Variants in LRCH3 observed in about 807,000 individuals in gnomAD.
The protein encoded by LRCH3 is DISP complex protein LRCH3.
LRCH3 carries 68 observed loss-of-function variants against 104.5 expected under a neutral mutation model. The observed-to-expected ratio is 0.65, with a 90% CI of 0.54 to 0.80. LRCH3 has a LOEUF of 0.80. Ranked by LOEUF, LRCH3 falls within the 30% of genes least tolerant of loss-of-function variation. The pLI, the probability that LRCH3 is intolerant of heterozygous loss-of-function variation, is 0.00. For synonymous variants in LRCH3, 344 were observed against 361.3 expected, an observed-to-expected ratio of 0.95 and a Z score of 0.54; for missense variants, 951 against 953.9, an observed-to-expected ratio of 1.00 and a Z score of 0.04.
chr3:197,813,759 G>C (rs1560532597), intron 1 of LRCH3, among the ~76,000 whole-genome samples: 1 of 151,722 alleles, frequency 6.6e-6, no homozygotes, highest in Non-Finnish European at 1.5e-5. Context: ...TCAAACTCCT[G>C]ACCTCAAGTG....
At chr3:197,852,760 G>A (rs1739784320) in intron 13 of LRCH3, 140 bp downstream of exon 13, 1 of 841,304 alleles carries the variant, frequency 1.2e-6, no homozygotes, top group East Asian at 2.7e-5. Flanking sequence ...CTCCTTATGA[G>A]GGAGATGATA....
chr3:197,853,190 T>C (rs908627122), intron 13 of LRCH3, among the ~76,000 whole-genome samples: 2 of 152,100 alleles, frequency 1.3e-5, no homozygotes, highest in African/African-American at 4.8e-5. Context: ...TTTTTTCTTT[T>C]TCTTTTTCTT....
chr3:197,797,939 T>C (rs1731449278), intron 1 of LRCH3, among the ~76,000 whole-genome samples: 1 of 147,636 alleles, frequency 6.8e-6, no homozygotes. Flanking sequence ...ATAGTGACCT[T>C]CTAAGTTATT....
intron 9 of LRCH3, among the ~76,000 whole-genome samples, chr3:197,838,695 C>T (rs531905889): frequency 1.3e-5 from 2 of 152,242 alleles, no homozygotes; most frequent in South Asian, 2.1e-4. Flanking sequence ...CTCAGTAATA[C>T]TTTTTGAAAA....
intron 1 of LRCH3, among the ~76,000 whole-genome samples, chr3:197,812,588 T>C (rs1733303696): frequency 7.1e-6 from 1 of 140,174 alleles, no homozygotes; most frequent in Non-Finnish European, 1.5e-5. Context: ...CTCGGCTCAC[T>C]GCAACCAAGC....
At position 197,814,916 on chromosome 3, in the gene LRCH3, C is replaced by T; in HGVS notation, c.271C>T (p.Arg91Ter). 4.4e-6 allele frequency: 7 copies of T among 1,592,400 alleles called. No homozygotes were observed. Among genetic ancestry groups the T allele is most frequent in the Non-Finnish European group, 6.0e-6 (7 of 1,173,168 alleles). ...LTDTTRADLS[R>*]NRLSEIPIEA... ...TTTAATTTTTCTTTTAGACCTGTCG[C>T]GAAATCGCCTTTCAGAAATTCCTAT... The change falls in exon 2 of 21, where the codon CGA becomes TGA. Residue 91 changes from arginine (R) to a stop codon, truncating the protein, a stop_gained. Transcript: ENST00000425562. LOFTEE classifies it high-confidence loss of function.
chr3:197,847,924 G>A lies in LRCH3; in HGVS notation c.1433G>A (p.Arg478His), dbSNP rs200524267. 9.7e-5 allele frequency: 156 copies of A among 1,614,062 alleles called. No homozygotes were observed. In the East Asian group the frequency reaches 2.3e-3, roughly 24 times the overall value. ...CAGAGAAGGGAGCAGTTAGTAGAGC[G>A]CACTCGGAGAGAGGCTCAGCTTGCT... ...LHQRREQLVE[R>H]TRREAQLAAL... Residue 478 changes from arginine to histidine, a missense_variant, in exon 12 of 21, where the codon CGC becomes CAC. Physicochemically the swap from Arg to His is conservative, Grantham distance 29. Coordinates refer to ENST00000425562, the MANE Select transcript of LRCH3 (RefSeq NM_001365715.1).
intron 4 of LRCH3, among the ~76,000 whole-genome samples, chr3:197,820,643 T>C (rs1734384155): frequency 6.6e-6 from 1 of 152,156 alleles, no homozygotes. Context: ...AGTCTGTCTC[T>C]ACAGAAAATT....
chr3:197,852,337 G>A (rs888502370), intron 12 of LRCH3: 15 of 475,668 alleles, frequency 3.2e-5, no homozygotes, highest in South Asian at 1.2e-4. Context: ...TAAGTTCATC[G>A]AGTAAGAGGT....
intron 10 of LRCH3, among the ~76,000 whole-genome samples, chr3:197,839,977 A>G (rs2109339826): frequency 6.6e-6 from 1 of 152,112 alleles, no homozygotes; most frequent in East Asian, 1.9e-4. Context: ...GTCTCAAAAA[A>G]AAAAAAAAAT....
chr3:197,821,718 A>T (rs1734513245), intron 4 of LRCH3, among the ~76,000 whole-genome samples: 1 of 152,222 alleles, frequency 6.6e-6, no homozygotes, highest in Non-Finnish European at 1.5e-5. Context: ...CCCATTACTC[A>T]GGCTAGAGTG....
At chr3:197,869,841 G>C (rs113698078) in intron 17 of LRCH3, among the ~76,000 whole-genome samples, 1 of 108,804 alleles carries the variant, frequency 9.2e-6, no homozygotes, top group African/African-American at 4.5e-5. Context: ...ACCTGCAGGA[G>C]GTAGAAAGCG....
rs141025932 is a variant in LRCH3, at chr3:197,859,034, A to G, written c.1716+129A>G. 1,580 of 727,120 alleles carry G rather than the reference A, an allele frequency of 2.2e-3. 5 individuals are homozygous for G. Among genetic ancestry groups the G allele is most frequent in the African/African-American group, 4.9e-3 (279 of 57,314 alleles). The allele number at this position is 727,120 out of a possible 1,614,324, so 45.0% of individuals were successfully genotyped here. On this transcript the variant is annotated intron_variant, in intron 15 of 20. Transcript: ENST00000425562. ...CATAAATATACCTGTTTATGGAACT[A>G]TTTGTTTAACATTGATTTCCCTTGA...
chr3:197,794,470 A>G (rs896789888), intron 1 of LRCH3, among the ~76,000 whole-genome samples: 2 of 152,224 alleles, frequency 1.3e-5, no homozygotes, highest in Non-Finnish European at 1.5e-5. Flanking sequence ...AACTTATGGT[A>G]GTTATTAGGT....
chr3:197,857,974 C>T (rs1239631520), intron 14 of LRCH3, among the ~76,000 whole-genome samples: 1 of 152,178 alleles, frequency 6.6e-6, no homozygotes, highest in Admixed American at 6.5e-5. Context: ...TCATTTATCT[C>T]ATAGTTTAGA....
intron 4 of LRCH3, among the ~76,000 whole-genome samples, chr3:197,824,174 C>T (rs202172364): frequency 6.6e-6 from 1 of 151,766 alleles, no homozygotes; most frequent in African/African-American, 2.4e-5. Flanking sequence ...AAGCAATTCT[C>T]CTGCCTCAGC....
chr3:197,814,656 G>A (rs1299689449), intron 1 of LRCH3, among the ~76,000 whole-genome samples: 1 of 152,042 alleles, frequency 6.6e-6, no homozygotes, highest in Admixed American at 6.5e-5. Context: ...AGTGTTTTTT[G>A]TTTTGCTTTT....
At chr3:197,844,789 T>C (rs1738375009) in intron 10 of LRCH3, among the ~76,000 whole-genome samples, 3 of 151,916 alleles carry the variant, frequency 2.0e-5, no homozygotes, top group African/African-American at 7.3e-5. Context: ...GGCCAGTTTT[T>C]CGTATTTTTT....
At chr3:197,855,923 T>A (rs1400490782) in intron 14 of LRCH3, among the ~76,000 whole-genome samples, 1 of 152,154 alleles carries the variant, frequency 6.6e-6, no homozygotes, top group African/African-American at 2.4e-5. Context: ...AACCTCATAT[T>A]ATCAAAACTG....
Sources: allele counts gnomAD v4.1 joint callset (sites outside exome capture counted in the v4.1 genomes callset), GRCh38; gene constraint gnomAD v4.1.1; transcripts MANE v1.5; gene names NCBI Gene and HGNC (gene_info 2026-07-23, HGNC 2026-07-21).